Variants in SEMA4F observed in about 807,000 individuals in gnomAD.
SEMA4F encodes the protein semaphorin-4F.
Under a neutral mutation model 78.4 loss-of-function variants are expected in SEMA4F, and 51 were observed. That is an observed-to-expected ratio of 0.65 (90% CI 0.52 to 0.82). The LOEUF (loss-of-function observed/expected upper bound fraction) is 0.82. Ranked by LOEUF, SEMA4F falls within the 40% of genes least tolerant of loss-of-function variation. The probability of loss-of-function intolerance (pLI) is 0.00; values close to 1 mark genes in which losing one functional copy is unlikely to be tolerated. For missense variants in SEMA4F, 938 were observed against 1,014.4 expected (o/e 0.92, Z 1.02); for synonymous variants, 418 against 408.7 (o/e 1.02, Z -0.27).
chr2:74,672,421 C>G (rs1021894860), intron 5 of SEMA4F, among the ~76,000 whole-genome samples: 2 of 152,212 alleles, frequency 1.3e-5, no homozygotes, highest in Non-Finnish European at 2.9e-5. Context: ...ACTTGTCTTC[C>G]TGACTCACAT....
intron 5 of SEMA4F, among the ~76,000 whole-genome samples, chr2:74,670,942 A>G (rs1027849945): frequency 1.3e-5 from 2 of 152,230 alleles, no homozygotes; most frequent in East Asian, 1.9e-4. Context: ...ATAAGGAGCT[A>G]TAACTAACAT....
At chr2:74,656,952 G>T (rs1684180890) in intron 2 of SEMA4F, among the ~76,000 whole-genome samples, 1 of 152,116 alleles carries the variant, frequency 6.6e-6, no homozygotes, top group Non-Finnish European at 1.5e-5. Context: ...GTGACAATGG[G>T]CAGAGGGATC....
In SEMA4F at chr2:74,680,052, C is replaced by G. The variant is rs572401608; in HGVS notation, c.2156C>G (p.Pro719Arg). ...AGCTACAGCCAAGACCCTCCCTCCC[C>G]CTCTCCTGAAGATGAGCGGTTGCCG... Reference protein sequence around the residue: ...TTSYSQDPPSPSPEDERLPLA... With the variant: ...TTSYSQDPPSRSPEDERLPLA... The change falls in exon 14 of 14, where the codon CCC becomes CGC. Residue 719 changes from proline to arginine, a missense_variant. Pro to Arg is a moderately radical substitution (Grantham distance 103). Transcript: ENST00000357877. 1.7e-5 allele frequency: 27 copies of G among 1,614,022 alleles called. No individual in the cohort carries two copies. Among genetic ancestry groups the G allele is most frequent in the Non-Finnish European group, 2.3e-5 (27 of 1,179,986 alleles).
At chr2:74,666,172 C>T (rs10200211) in intron 5 of SEMA4F, among the ~76,000 whole-genome samples, 6,436 of 152,268 alleles carry the variant, frequency 0.042, 412 homozygotes, top group African/African-American at 0.14. Context: ...TCTTAAAATG[C>T]TGGGATTACA....
Position 74,662,803 on chromosome 2 carries a change from G to T in SEMA4F, c.528G>T (p.Gln176His), listed in dbSNP as rs780356014. ...GRGKCPFEPA[Q>H]RSAAVMAGGV... Reference sequence around the variant, plus strand: ...GGAAATGTCCTTTTGAGCCAGCTCAGCGGTCAGCAGCTGTAATGGCTGGTG... The same window carrying T: ...GGAAATGTCCTTTTGAGCCAGCTCATCGGTCAGCAGCTGTAATGGCTGGTG... Residue 176 changes from glutamine (Q) to histidine (H), a missense_variant, in exon 5 of 14, where the codon CAG becomes CAT. Gln to His is a conservative substitution (Grantham distance 24). Transcript: ENST00000357877. 2.5e-6 allele frequency: 4 copies of T among 1,614,210 alleles called. No homozygotes were observed. The highest frequency in any genetic ancestry group is 3.4e-6 in the Non-Finnish European group (4 of 1,180,018).
At chr2:74,688,760 C>A (rs1403089715), downstream of SEMA4F, among the ~76,000 whole-genome samples, 1 of 152,156 alleles carries the variant, frequency 6.6e-6, no homozygotes, top group African/African-American at 2.4e-5. Flanking sequence ...CAGTTCCAAT[C>A]TGTAGGAATT....
the SEMA4F span, among the ~76,000 whole-genome samples, chr2:74,698,933 T>C: frequency 6.6e-6 from 1 of 152,210 alleles, no homozygotes; most frequent in Non-Finnish European, 1.5e-5. Flanking sequence ...CCATTTTGCT[T>C]TCTTACAGAA....
the SEMA4F span, among the ~76,000 whole-genome samples, chr2:74,688,862 TTATG>T: frequency 2.0e-5 from 3 of 152,250 alleles, no homozygotes; most frequent in African/African-American, 7.2e-5. Flanking sequence ...CCCCAACTAC[TTATG>T]TATCAATTGA....
intron 1 of SEMA4F, chr2:74,655,182 C>A: frequency 3.7e-6 from 1 of 269,592 alleles, no homozygotes. Flanking sequence ...CAGTGTTCCT[C>A]GCTGCCTCTG....
chr2:74,665,942 C>G (rs1307258574), intron 5 of SEMA4F, among the ~76,000 whole-genome samples: 1 of 149,790 alleles, frequency 6.7e-6, no homozygotes, highest in Non-Finnish European at 1.5e-5. Context: ...GAGTCTCGCT[C>G]TGTCGCCCAG....
chr2:74,655,477 A>G (rs1475023683), intron 1 of SEMA4F: 8 of 191,200 alleles, frequency 4.2e-5, no homozygotes, highest in African/African-American at 1.9e-4. Context: ...CAGTGAAGCC[A>G]AGAGTACAAC....
In SEMA4F at chr2:74,683,429, G is replaced by A. The variant is rs149380532; in HGVS notation, c.*3220G>A. The A allele has an allele frequency of 3.9e-4, 60 of 152,406 alleles. 1 individual carries two copies. Among genetic ancestry groups the A allele is most frequent in the African/African-American group, 1.3e-3 (54 of 41,592 alleles). 9.4% of individuals were successfully genotyped at this position (152,406 alleles called of 1,614,324 possible). A position where few individuals can be genotyped will look rare whatever the true frequency, so the allele number is the denominator to read the frequency against. On this transcript the variant is annotated 3_prime_UTR_variant, in exon 14 of 14. Coordinates refer to ENST00000357877, the MANE Select transcript of SEMA4F (RefSeq NM_004263.5). ...CTCCATAAGAAGAGAGAAGGCAGAA[G>A]TGGCTTTCCCCGAGGTGAGGACGGG...
downstream of SEMA4F, among the ~76,000 whole-genome samples, chr2:74,688,042 CA>C (rs569256919): frequency 4.7e-3 from 718 of 152,230 alleles, 3 homozygotes; most frequent in Non-Finnish European, 7.8e-3. Context: ...TTTTTTACAT[CA>C]AACTCAATCT....
At chr2:74,665,543 T>C (rs1272011765) in intron 5 of SEMA4F, among the ~76,000 whole-genome samples, 1 of 152,176 alleles carries the variant, frequency 6.6e-6, no homozygotes, top group South Asian at 2.1e-4. Context: ...AGTCACTCTT[T>C]AGTCTTATAG....
At chr2:74,669,432 A>AT (rs1684862334) in intron 5 of SEMA4F, among the ~76,000 whole-genome samples, 1 of 151,846 alleles carries the variant, frequency 6.6e-6, no homozygotes, top group South Asian at 2.1e-4. Flanking sequence ...AAAAATACAA[A>AT]AATTAGCTGG....
At chr2:74,694,345 C>T in the SEMA4F span, among the ~76,000 whole-genome samples, 1 of 152,134 alleles carries the variant, frequency 6.6e-6, no homozygotes, top group African/African-American at 2.4e-5. Flanking sequence ...GACACCTTGG[C>T]AGGTGCTCTG....
chr2:74,695,413 G>A, the SEMA4F span, among the ~76,000 whole-genome samples: 5,206 of 152,192 alleles, frequency 0.034, 260 homozygotes, highest in African/African-American at 0.11. Context: ...GACTTTTGTC[G>A]TCCTCAGCCT....
intron 12 of SEMA4F, among the ~76,000 whole-genome samples, chr2:74,677,435 TAAA>T (rs199572929): frequency 1.3e-5 from 2 of 151,524 alleles, no homozygotes; most frequent in East Asian, 3.9e-4. Context: ...ACAAGGGCTT[TAAA>T]AAAAAACCAT....
intron 4 of SEMA4F, among the ~76,000 whole-genome samples, chr2:74,659,192 C>G (rs536438361): frequency 2.6e-5 from 4 of 152,276 alleles, no homozygotes; most frequent in African/African-American, 9.6e-5. Flanking sequence ...TCTAATTTCC[C>G]TACAGTTCTC....
Sources: gnomAD v4.1 joint callset for allele counts (sites outside exome capture counted in the v4.1 genomes callset) on GRCh38, gnomAD v4.1.1 for gene constraint, MANE v1.5 for transcripts, NCBI Gene and HGNC (gene_info 2026-07-23, HGNC 2026-07-21) for gene names.